Variants in SUCLG2 observed in about 807,000 individuals in gnomAD.
The protein encoded by SUCLG2 is succinate-CoA ligase GDP-forming subunit beta, also known as succinate--CoA ligase [GDP-forming] subunit beta, mitochondrial.
Under a neutral mutation model 47.9 loss-of-function variants are expected in SUCLG2, and 42 were observed. The ratio of observed to expected loss-of-function variants is 0.88; its 90% CI spans 0.69 to 1.14. The LOEUF (loss-of-function observed/expected upper bound fraction) is 1.14, where lower values mean the gene tolerates loss of function less well. SUCLG2 is among the 50% of genes most tolerant of loss of function. The probability of loss-of-function intolerance (pLI) is 0.00; values close to 1 mark genes in which losing one functional copy is unlikely to be tolerated. For missense variants in SUCLG2, 571 were observed against 525.9 expected (o/e 1.09, Z -0.84); for synonymous variants, 195 against 197.3 (o/e 0.99, Z 0.10).
At chr3:67,526,014 C>T (rs1706247063) in intron 4 of SUCLG2, among the ~76,000 whole-genome samples, 1 of 152,148 alleles carries the variant, frequency 6.6e-6, no homozygotes, top group Non-Finnish European at 1.5e-5. Context: ...GAGATTTGGT[C>T]ATTTATAAAG....
At chr3:67,404,852 T>C (rs1702766159) in intron 9 of SUCLG2, among the ~76,000 whole-genome samples, 1 of 152,168 alleles carries the variant, frequency 6.6e-6, no homozygotes, top group African/African-American at 2.4e-5. Context: ...ATAAAGCATG[T>C]CAAATTTTCA....
chr3:67,480,574 T>A (rs1391059005), intron 9 of SUCLG2, among the ~76,000 whole-genome samples: 1 of 152,148 alleles, frequency 6.6e-6, no homozygotes, highest in East Asian at 1.9e-4. Context: ...CTCCTGGAGC[T>A]TACACAGGCT....
intron 2 of SUCLG2, among the ~76,000 whole-genome samples, chr3:67,577,998 G>A (rs985005287): frequency 5.9e-5 from 9 of 152,068 alleles, no homozygotes; most frequent in African/African-American, 1.9e-4. Flanking sequence ...TGCTTGGTGA[G>A]AGCAGGTGAA....
chr3:67,533,275 T>C (rs1481059345), intron 2 of SUCLG2, among the ~76,000 whole-genome samples: 2 of 152,210 alleles, frequency 1.3e-5, no homozygotes, highest in African/African-American at 4.8e-5. Context: ...CATTGCTCTT[T>C]TCTAAATTAT....
At chr3:67,410,150 T>C (rs1182373816) in intron 9 of SUCLG2, among the ~76,000 whole-genome samples, 1 of 152,196 alleles carries the variant, frequency 6.6e-6, no homozygotes, top group Non-Finnish European at 1.5e-5. Context: ...GTTCAGGAGC[T>C]GGTATGTTTG....
intron 10 of SUCLG2, among the ~76,000 whole-genome samples, chr3:67,361,165 C>T (rs1417084040): frequency 1.3e-4 from 18 of 143,904 alleles, no homozygotes; most frequent in Admixed American, 1.2e-3. Context: ...TCTGAGATGC[C>T]GGAAAAAAAA....
chr3:67,615,338 G>A (rs1700605419), intron 1 of SUCLG2, among the ~76,000 whole-genome samples: 1 of 152,098 alleles, frequency 6.6e-6, no homozygotes, highest in South Asian at 2.1e-4. Flanking sequence ...AATAGCACCT[G>A]GGGTGGGGAG....
At chr3:67,605,124 T>C (rs1356376129) in intron 2 of SUCLG2, among the ~76,000 whole-genome samples, 1 of 152,180 alleles carries the variant, frequency 6.6e-6, no homozygotes. Flanking sequence ...CACATAATCA[T>C]TCTAGGCAAT....
chr3:67,442,107 T>C, intron 9 of SUCLG2, among the ~76,000 whole-genome samples: 1 of 143,842 alleles, frequency 7.0e-6, no homozygotes, highest in South Asian at 2.3e-4. Context: ...ACCTCCCGGG[T>C]TCACGCCATT....
intron 9 of SUCLG2, among the ~76,000 whole-genome samples, chr3:67,414,944 C>T (rs1042612325): frequency 1.2e-4 from 19 of 152,204 alleles, no homozygotes; most frequent in African/African-American, 4.3e-4. Context: ...CAGACTTGAC[C>T]TCTCAGGCTC....
intron 9 of SUCLG2, among the ~76,000 whole-genome samples, chr3:67,439,438 C>A (rs1703704351): frequency 6.6e-6 from 1 of 152,194 alleles, no homozygotes; most frequent in Non-Finnish European, 1.5e-5. Context: ...AAGAGGAAGT[C>A]AAATTGTCTC....
intron 10 of SUCLG2, among the ~76,000 whole-genome samples, chr3:67,391,988 C>T (rs915701057): frequency 6.6e-6 from 1 of 152,116 alleles, no homozygotes; most frequent in Admixed American, 6.5e-5. Context: ...TCATTGGAGA[C>T]GTGGCTCTTG....
At chr3:67,639,172 A>T (rs1364662814) in intron 1 of SUCLG2, among the ~76,000 whole-genome samples, 1 of 152,196 alleles carries the variant, frequency 6.6e-6, no homozygotes, top group Admixed American at 6.5e-5. Context: ...TGTAATGTAC[A>T]TTCGAAAAAA....
At chr3:67,426,422 A>C (rs1464591086) in intron 9 of SUCLG2, among the ~76,000 whole-genome samples, 1 of 152,148 alleles carries the variant, frequency 6.6e-6, no homozygotes, top group East Asian at 1.9e-4. Context: ...TTCAAACTCC[A>C]TTTGTTCAGA....
intron 10 of SUCLG2, among the ~76,000 whole-genome samples, chr3:67,380,912 C>T (rs1477964346): frequency 6.6e-6 from 1 of 152,204 alleles, no homozygotes; most frequent in Non-Finnish European, 1.5e-5. Flanking sequence ...TCCTTGAAGG[C>T]ATAGCTCTAC....
intron 4 of SUCLG2, among the ~76,000 whole-genome samples, chr3:67,525,408 A>G (rs1363793025): frequency 1.3e-5 from 2 of 152,352 alleles, no homozygotes; most frequent in East Asian, 3.9e-4. Context: ...ACTCTGTGAT[A>G]TTGGTGGCGG....
intron 2 of SUCLG2, among the ~76,000 whole-genome samples, chr3:67,560,192 T>G (rs1035049288): frequency 2.0e-5 from 3 of 152,306 alleles, no homozygotes; most frequent in African/African-American, 7.2e-5. Flanking sequence ...ATTTGGAGAT[T>G]GAGTTGTTGA....
chr3:67,594,039 C>A (rs1261034507), intron 2 of SUCLG2, among the ~76,000 whole-genome samples: 1 of 152,208 alleles, frequency 6.6e-6, no homozygotes, highest in South Asian at 2.1e-4. Flanking sequence ...ACTATACCCA[C>A]ACCTAGCCCA....
In SUCLG2 at chr3:67,498,284, C is replaced by A. The variant is rs1254249885; in HGVS notation, c.769G>T (p.Asp257Tyr). 1 of 1,611,758 alleles carries A rather than the reference C, an allele frequency of 6.2e-7. No homozygotes were observed. Among genetic ancestry groups the A allele is most frequent in the Non-Finnish European group, 8.5e-7 (1 of 1,179,656 alleles). Residue 257 changes from aspartate (D) to tyrosine (Y), a missense_variant, in exon 8 of 11, where the codon GAT becomes TAT. Asp to Tyr is a radical substitution (Grantham distance 160). Transcript: ENST00000307227. ...ETPEGQVVCF[D>Y]AKINFDDNAE... The stretch of plus-strand genomic sequence containing the variant: ...TTGTCATCAAAGTTTATCTTGGCAT[C>A]AAAACAGACAACTAAATAAAGAAGA...
Sources: gnomAD v4.1 joint callset for allele counts (sites outside exome capture counted in the v4.1 genomes callset) on GRCh38, gnomAD v4.1.1 for gene constraint, MANE v1.5 for transcripts, NCBI Gene and HGNC (gene_info 2026-07-23, HGNC 2026-07-21) for gene names.